The following CCDC74A variants were observed in gnomAD, a reference collection of about 807,000 sequenced individuals.
CCDC74A encodes coiled-coil domain-containing protein 74A.
CCDC74A carries 38 observed loss-of-function variants against 37.6 expected under a neutral mutation model. The observed-to-expected ratio is 1.01, with a 90% CI of 0.78 to 1.33. The LOEUF is 1.33. Among genes scored for constraint, CCDC74A ranks in the 40% most tolerant of loss-of-function variants. The probability of loss-of-function intolerance (pLI) is 0.00; values close to 1 mark genes in which losing one functional copy is unlikely to be tolerated. For synonymous variants in CCDC74A, 134 were observed against 165.2 expected (o/e 0.81, Z 1.45); for missense variants, 340 against 403.4 (o/e 0.84, Z 1.35).
upstream of CCDC74A, chr2:131,527,761 C>T (rs1330007538): frequency 8.2e-6 from 6 of 734,314 alleles, no homozygotes; most frequent in African/African-American, 3.8e-5. Context: ...TCCCAAACTT[C>T]GGGGATTACA....
intron 2 of CCDC74A, chr2:131,530,396 G>C (rs1681037815): frequency 6.5e-7 from 1 of 1,549,170 alleles, no homozygotes; most frequent in Non-Finnish European, 8.7e-7. Flanking sequence ...ATGGAGAAGG[G>C]GGTTGAGGGA....
At chr2:131,529,748 C>T in intron 2 of CCDC74A, 57 bp downstream of exon 2, 3 of 1,600,034 alleles carry the variant, frequency 1.9e-6, no homozygotes, top group Non-Finnish European at 2.6e-6. Context: ...AGGGGAGCCC[C>T]TCCAGACTGT....
intron 4 of CCDC74A, 47 bp from the exon 5 acceptor site, chr2:131,532,542 G>C: frequency 6.6e-7 from 1 of 1,511,248 alleles, no homozygotes; most frequent in Non-Finnish European, 8.8e-7. Context: ...TGGGTGGTTA[G>C]ACGCACCTGG....
At position 131,529,408 on chromosome 2, in the gene CCDC74A, TCA is replaced by T. The variant is rs1448390053; in HGVS notation, c.251-238_251-237del. On this transcript the variant is annotated intron_variant, in intron 1 of 7. Coordinates refer to ENST00000409856, the MANE Select transcript of CCDC74A (RefSeq NM_001258306.3). ...GCAGTGTGGATGCCCTCCAGTCATC[TCA>T]GATGGATGAGGCCGATATGCCCGGT... is the stretch of plus-strand genomic sequence containing the variant. 7 of 670,356 alleles carry T rather than the reference TCA, an allele frequency of 1.0e-5. No individual in the cohort carries two copies. In the Admixed American group the frequency reaches 1.1e-4, roughly 10 times the overall value. The allele number at this position is 670,356 out of a possible 1,614,324, so 41.5% of individuals were successfully genotyped here. A position where few individuals can be genotyped will look rare whatever the true frequency, so the allele number is the denominator to read the frequency against.
chr2:131,529,587 T>G (rs765100368), intron 1 of CCDC74A, 60 bp from the exon 2 acceptor site: 10 of 1,611,750 alleles, frequency 6.2e-6, no homozygotes, highest in African/African-American at 4.0e-5. Flanking sequence ...AGGCCAGGCT[T>G]CTTCTCTCAG....
At chr2:131,528,872 A>G (rs1244891137) in intron 1 of CCDC74A, among the ~76,000 whole-genome samples, 5 of 152,064 alleles carry the variant, frequency 3.3e-5, no homozygotes, top group Admixed American at 6.5e-5. Context: ...GCGCAGCTCA[A>G]TGAATTTCTT....
Position 131,533,254 on chromosome 2 carries a change from C to G in CCDC74A, c.810-15C>G. Reference sequence around the variant, plus strand: ...CCGGGGATGCTCACGGTGACAGTCCCTCTACCCGCCCCAGCCTGAGCCCAC... The same window carrying G: ...CCGGGGATGCTCACGGTGACAGTCCGTCTACCCGCCCCAGCCTGAGCCCAC... On this transcript the variant is annotated splice_polypyrimidine_tract_variant and intron_variant, in intron 7 of 7. Transcript: ENST00000409856. 1.9e-6 allele frequency: 3 copies of G among 1,612,300 alleles called. No homozygotes were observed. Among genetic ancestry groups the G allele is most frequent in the Non-Finnish European group, 2.5e-6 (3 of 1,179,720 alleles).
At chr2:131,523,487 TGTG>T (rs1680197544), upstream of CCDC74A, among the ~76,000 whole-genome samples, 1 of 151,972 alleles carries the variant, frequency 6.6e-6, no homozygotes, top group Non-Finnish European at 1.5e-5. Context: ...AATTAGCTAG[TGTG>T]GTGGCGCATG....
rs1681284264 is a variant in CCDC74A at position 131,531,470 on chromosome 2, T to TA, written c.347-194_347-193insA. Among the ~76,000 whole-genome samples, 3 of 149,190 alleles carry TA rather than the reference T, an allele frequency of 2.0e-5. No individual in the cohort carries two copies. The South Asian group carries it at 6.5e-4, about 32-fold the overall frequency. The stretch of plus-strand genomic sequence containing the variant: ...CTAGAGTGTTCACAGGCACCACCCA[T>TA]GGGCTTCACCCTCAGAACCACATTG... On this transcript the variant is annotated intron_variant, in intron 3 of 7. Transcript: ENST00000409856.
chr2:131,531,204 C>T (rs985045207), intron 3 of CCDC74A, among the ~76,000 whole-genome samples: 59 of 152,270 alleles, frequency 3.9e-4, no homozygotes, highest in South Asian at 2.5e-3. Context: ...GCACTGCCCA[C>T]GGAGCCCTGG....
rs189269221 is a variant in CCDC74A at position 131,529,553 on chromosome 2, T to G, written c.251-94T>G. Reference sequence around the variant, plus strand: ...TCAGCCAGTGGGGGGGCAGGACTTTTGGGCTCAGCAGCCAGGAGAGGACAG... The same window carrying G: ...TCAGCCAGTGGGGGGGCAGGACTTTGGGGCTCAGCAGCCAGGAGAGGACAG... On this transcript the variant is annotated intron_variant, in intron 1 of 7. Transcript: ENST00000409856. The G allele has an allele frequency of 6.4e-6, 10 of 1,555,014 alleles. No homozygotes were observed. In the Admixed American group the frequency reaches 1.0e-4, roughly 16 times the overall value.
intron 1 of CCDC74A, 199 bp from the exon 2 acceptor site, chr2:131,529,448 G>C: frequency 2.7e-6 from 2 of 742,498 alleles, no homozygotes; most frequent in Non-Finnish European, 4.8e-6. Flanking sequence ...GCTCTGCCTA[G>C]GGAACAGGCA....
In CCDC74A at chr2:131,528,360, G is replaced by A. The variant is rs1287827056; in HGVS notation, c.250+140G>A. On this transcript the variant is annotated intron_variant, in intron 1 of 7. Coordinates refer to ENST00000409856, the MANE Select transcript of CCDC74A (RefSeq NM_001258306.3). ...GAACACAGGACGGTAAGCCCGCCCT[G>A]CCACGCTGAGCTGTCCCCTCCTCCC... is the stretch of plus-strand genomic sequence containing the variant. 1.7e-5 allele frequency: 26 copies of A among 1,547,000 alleles called. 1 individual carries two copies. The highest frequency in any genetic ancestry group is 3.5e-4 in the Middle Eastern group (2 of 5,716).
chr2:131,525,912 G>T (rs1205884978), upstream of CCDC74A, among the ~76,000 whole-genome samples: 1 of 151,274 alleles, frequency 6.6e-6, no homozygotes, highest in Non-Finnish European at 1.5e-5. Flanking sequence ...TAGAGATGGG[G>T]TTTCACCGTG....
rs1183366978 is a variant in CCDC74A, at chr2:131,533,011, A to G, written c.753-2A>G. 1.2e-6 allele frequency: 2 copies of G among 1,613,974 alleles called. No homozygotes were observed. Among genetic ancestry groups the G allele is most frequent in the Non-Finnish European group, 1.7e-6 (2 of 1,179,866 alleles). On this transcript the variant is annotated splice_acceptor_variant, in intron 6 of 7. Coordinates refer to ENST00000409856, the MANE Select transcript of CCDC74A (RefSeq NM_001258306.3). LOFTEE classifies it high-confidence loss of function. Reference sequence around the variant, plus strand: ...CTCACTGCTGACTCTTCCTTCACCCAGGGACCAAGAAGCCACGCATTTCCC... The same window carrying G: ...CTCACTGCTGACTCTTCCTTCACCCGGGGACCAAGAAGCCACGCATTTCCC...
chr2:131,529,272 T>C (rs72994356), intron 1 of CCDC74A: 235 of 423,370 alleles, frequency 5.6e-4, no homozygotes, highest in African/African-American at 4.4e-3. Context: ...CAGTTCCTAA[T>C]GTCTTCTTGA....
intron 1 of CCDC74A, chr2:131,528,538 C>T (rs1288538267): frequency 8.0e-6 from 9 of 1,121,724 alleles, no homozygotes; most frequent in East Asian, 2.6e-5. Flanking sequence ...GGCCCGGGCG[C>T]GGCGGCTCAC....
At position 131,528,219 on chromosome 2, in the gene CCDC74A, G is replaced by C; in HGVS notation, c.249G>C (p.Lys83Asn). ...TCGAGCATCTGAAGCGGGAAAACAA[G>C]GGTGAGCCGGCGCGGGGCCCTAGGC... The part of the protein sequence containing the change: ...EEIEHLKREN[K>N]DLHYKLIMNQ... The change falls in exon 1 of 8, where the codon AAG becomes AAC. Residue 83 changes from lysine (K) to asparagine (N), a missense_variant and splice_region_variant. Transcript: ENST00000409856. The C allele has an allele frequency of 6.2e-7, 1 of 1,612,002 alleles. No homozygotes were observed. Among genetic ancestry groups the C allele is most frequent in the Non-Finnish European group, 8.5e-7 (1 of 1,179,320 alleles).
Position 131,530,817 on chromosome 2 carries a change from C to G in CCDC74A, c.336C>G (p.Ile112Met). 2.5e-6 allele frequency: 4 copies of G among 1,606,822 alleles called. No individual in the cohort carries two copies. Among genetic ancestry groups the G allele is most frequent in the Non-Finnish European group, 3.4e-6 (4 of 1,177,584 alleles). Residue 112 changes from isoleucine (I) to methionine (M), a missense_variant, in exon 3 of 8, where the codon ATC becomes ATG. This residue lies in a region of CCDC74A where 154 missense variants were observed against 153.9 expected (regional missense o/e 1.00). Coordinates refer to ENST00000409856, the MANE Select transcript of CCDC74A (RefSeq NM_001258306.3). Reference sequence around the variant, plus strand: ...CAAGCTTCCAGTCTGTCAAGTCCATCTCTAATTCAGGTGAGCAGGCTGGCG... The same window carrying G: ...CAAGCTTCCAGTCTGTCAAGTCCATGTCTAATTCAGGTGAGCAGGCTGGCG... ...SMSSFQSVKSISNSGKARPQP... is the reference protein window; with the variant it reads ...SMSSFQSVKSMSNSGKARPQP...
Sources: gnomAD v4.1 joint callset for allele counts (sites outside exome capture counted in the v4.1 genomes callset) on GRCh38, gnomAD v4.1.1 for gene constraint, gnomAD v4.1.1 regional missense constraint, MANE v1.5 for transcripts, NCBI Gene and HGNC (gene_info 2026-07-23, HGNC 2026-07-21) for gene names.